Variants in FOXK1 observed in about 807,000 individuals in gnomAD.
The protein encoded by FOXK1 is forkhead box K1.
Under a neutral mutation model 51.9 loss-of-function variants are expected in FOXK1, and 19 were observed. The ratio of observed to expected loss-of-function variants is 0.37; its 90% CI spans 0.26 to 0.54. FOXK1 has a LOEUF of 0.54. FOXK1 is among the 20% of genes least tolerant of loss of function. The probability of loss-of-function intolerance (pLI) is 0.87; values close to 1 mark genes in which losing one functional copy is unlikely to be tolerated. For missense variants in FOXK1, 870 were observed against 1,032.7 expected (o/e 0.84, Z 2.16); for synonymous variants, 537 against 482.6 (o/e 1.11, Z -1.48).
At position 4,722,185 on chromosome 7, in the gene FOXK1, C is replaced by T. The variant is rs1440339857; in HGVS notation, c.561-18653C>T. Among the ~76,000 whole-genome samples the T allele has an allele frequency of 4.6e-5, 7 of 152,186 alleles. No individual in the cohort carries two copies. The highest frequency in any genetic ancestry group is 1.4e-4 in the African/African-American group (6 of 41,446). On this transcript the variant is annotated intron_variant, in intron 1 of 8. Coordinates refer to ENST00000328914, the MANE Select transcript of FOXK1 (RefSeq NM_001037165.2). This position sits in a 1 kb window ranked among gnomAD's most constrained non-coding sequence, Gnocchi z 5.1. ...GGCGGGGCAGGAGGTGTCTGTGTCTCAGCAGATGCTGGATTTCACGTCCAC... is the reference window on the plus strand; with the variant it reads ...GGCGGGGCAGGAGGTGTCTGTGTCTTAGCAGATGCTGGATTTCACGTCCAC...
At chr7:4,689,859 T>TC (rs1188790908) in intron 1 of FOXK1, among the ~76,000 whole-genome samples, 1 of 152,072 alleles carries the variant, frequency 6.6e-6, no homozygotes, top group African/African-American at 2.4e-5. Flanking sequence ...CCTCACCCAG[T>TC]CCCCTTAGGT....
intron 1 of FOXK1, among the ~76,000 whole-genome samples, chr7:4,720,750 A>AGTGCAATGGCGCGATCTCG (rs1192344080): frequency 6.8e-6 from 1 of 147,334 alleles, no homozygotes; most frequent in Admixed American, 6.8e-5. Flanking sequence ...CCCAGGGTGG[A>AGTGCAATGGCGCGATCTCG]GTGCAATGGC....
intron 1 of FOXK1, among the ~76,000 whole-genome samples, chr7:4,724,621 G>A (rs1780355661): frequency 6.6e-6 from 1 of 152,202 alleles, no homozygotes; most frequent in South Asian, 2.1e-4. Flanking sequence ...GCGCTGCGTG[G>A]CTCCACGGCC....
At chr7:4,750,920 T>C (rs1583209075) in intron 2 of FOXK1, among the ~76,000 whole-genome samples, 1 of 151,842 alleles carries the variant, frequency 6.6e-6, no homozygotes, top group Non-Finnish European at 1.5e-5. Context: ...GGCAGGCTGG[T>C]CTCGAACTCC....
In FOXK1 at chr7:4,753,926, C is replaced by T. The variant is rs1475208920; in HGVS notation, c.747-533C>T. On this transcript the variant is annotated intron_variant, in intron 2 of 8. Transcript: ENST00000328914. This position sits in a 1 kb window ranked among gnomAD's most constrained non-coding sequence, Gnocchi z 4.9. ...CAAAACTGCAGGGGTCATCTCTTCC[C>T]GAGGGCGGTGTCTCCAGGAGAGCCA... Among the ~76,000 whole-genome samples the T allele has an allele frequency of 1.3e-5, 2 of 152,180 alleles. No homozygotes were observed. Among genetic ancestry groups the T allele is most frequent in the Non-Finnish European group, 2.9e-5 (2 of 68,014 alleles).
chr7:4,756,673 G>C lies in FOXK1; in HGVS notation c.1051-321G>C, dbSNP rs966700893. Reference sequence around the variant, plus strand: ...CCAGCTAGTCAGGAGGCTGAGGCAGGAGAATCCCTTGAACCCGGGAGGCGG... The same window carrying C: ...CCAGCTAGTCAGGAGGCTGAGGCAGCAGAATCCCTTGAACCCGGGAGGCGG... On this transcript the variant is annotated intron_variant, in intron 4 of 8. Coordinates refer to ENST00000328914, the MANE Select transcript of FOXK1 (RefSeq NM_001037165.2). The surrounding 1 kb of genome is among the most constrained non-coding windows in gnomAD (Gnocchi z 4.1). Among the ~76,000 whole-genome samples, 8 of 151,854 alleles carry C rather than the reference G, an allele frequency of 5.3e-5. No individual in the cohort carries two copies.
In FOXK1 at chr7:4,748,387, A is replaced by G. The variant is rs951969109; in HGVS notation, c.747-6072A>G. Among the ~76,000 whole-genome samples the G allele has an allele frequency of 6.6e-6, 1 of 152,180 alleles. No individual in the cohort carries two copies. Among genetic ancestry groups the G allele is most frequent in the African/African-American group, 2.4e-5 (1 of 41,436 alleles). ...CATCATCATGTCTGGTTTACCTTGCATGAGCGTTTTCTGTATTAGAACTGT... is the reference window on the plus strand; with the variant it reads ...CATCATCATGTCTGGTTTACCTTGCGTGAGCGTTTTCTGTATTAGAACTGT... On this transcript the variant is annotated intron_variant, in intron 2 of 8. Coordinates refer to ENST00000328914, the MANE Select transcript of FOXK1 (RefSeq NM_001037165.2). This position sits in a 1 kb window ranked among gnomAD's most constrained non-coding sequence, Gnocchi z 4.9.
rs1436442152 is a variant in FOXK1 at position 4,754,336 on chromosome 7, A to G, written c.747-123A>G. ...TTGGCCGGGCAGTGTGGTGGCACTT[A>G]AAATTGGAAAGTGTGAGCTTCTTCC... On this transcript the variant is annotated intron_variant, in intron 2 of 8. Coordinates refer to ENST00000328914, the MANE Select transcript of FOXK1 (RefSeq NM_001037165.2). 3 of 1,147,342 alleles carry G rather than the reference A, an allele frequency of 2.6e-6. No homozygotes were observed. The African/African-American group carries it at 4.7e-5, about 18-fold the overall frequency. The allele number at this position is 1,147,342 out of a possible 1,614,324, so 71.1% of individuals were successfully genotyped here.
Position 4,754,443 on chromosome 7 carries a change from CCTT to C in FOXK1, c.747-13_747-11del, listed in dbSNP as rs747340710. Reference sequence around the variant, plus strand: ...CTTCAGAGCCATGAACTTACAGTGTCCTTCTCTCTCCTCAGTGTCCCCAACTCC... The same window carrying C: ...CTTCAGAGCCATGAACTTACAGTGTCCTCTCTCCTCAGTGTCCCCAACTCC... On this transcript the variant is annotated splice_polypyrimidine_tract_variant and intron_variant, in intron 2 of 8. Coordinates refer to ENST00000328914, the MANE Select transcript of FOXK1 (RefSeq NM_001037165.2). The C allele has an allele frequency of 1.9e-6, 3 of 1,611,298 alleles. No individual in the cohort carries two copies. The highest frequency in any genetic ancestry group is 2.2e-5 in the East Asian group (1 of 44,874).
chr7:4,761,419 A>C lies in FOXK1; in HGVS notation c.1921+131A>C. 1 of 934,980 alleles carries C rather than the reference A, an allele frequency of 1.1e-6. No homozygotes were observed. The highest frequency in any genetic ancestry group is 1.6e-6 in the Non-Finnish European group (1 of 621,594). 57.9% of individuals were successfully genotyped at this position (934,980 alleles called of 1,614,324 possible). The stretch of plus-strand genomic sequence containing the variant: ...GTTCAATTTATTGAGCACCTGCTAT[A>C]CTCCAGGCACTGGGGTAATGCAAAG... On this transcript the variant is annotated intron_variant, in intron 8 of 8. Transcript: ENST00000328914. This position sits in a 1 kb window ranked among gnomAD's most constrained non-coding sequence, Gnocchi z 6.2.
In FOXK1 at chr7:4,759,415, C is replaced by G. The variant is rs777664650; in HGVS notation, c.1516C>G (p.Gln506Glu). ...CATGCCCGCCTCCATCGTAACCTCA[C>G]AGCAGCCCGCGGGCCACGCCATCCA... Reference protein sequence around the residue: ...AYMPASIVTSQQPAGHAIHVV... With the variant: ...AYMPASIVTSEQPAGHAIHVV... Residue 506 changes from glutamine (Q) to glutamate (E), a missense_variant, in exon 7 of 9, where the codon CAG (glutamine) becomes GAG (glutamate). Physicochemically the swap from Gln to Glu is conservative, Grantham distance 29. This residue lies in a region of FOXK1 where 457 missense variants were observed against 510.8 expected (regional missense o/e 0.89). Transcript: ENST00000328914. 6.3e-7 allele frequency: 1 copy of G among 1,599,388 alleles called. No individual in the cohort carries two copies. The highest frequency in any genetic ancestry group is 1.7e-5 in the Admixed American group (1 of 59,398).
rs186608902 is a variant in FOXK1 at position 4,761,602 on chromosome 7, G to A, written c.1921+314G>A. 1.8e-4 allele frequency among the ~76,000 whole-genome samples: 27 copies of A among 152,224 alleles called. No individual in the cohort carries two copies. The highest frequency in any genetic ancestry group is 5.3e-4 in the African/African-American group (22 of 41,536). ...AACTTAGCCAGGTGTGGTGTTGCAC[G>A]CTCATGGTCCCAGCTGCTTGGGAGA... On this transcript the variant is annotated intron_variant, in intron 8 of 8. Transcript: ENST00000328914. The surrounding 1 kb of genome is among the most constrained non-coding windows in gnomAD (Gnocchi z 6.2).
chr7:4,709,211 C>T lies in FOXK1; in HGVS notation c.560+26343C>T, dbSNP rs1230404164. Among the ~76,000 whole-genome samples the T allele has an allele frequency of 6.6e-6, 1 of 152,174 alleles. No individual in the cohort carries two copies. The highest frequency in any genetic ancestry group is 6.5e-5 in the Admixed American group (1 of 15,284). On this transcript the variant is annotated intron_variant, in intron 1 of 8. Coordinates refer to ENST00000328914, the MANE Select transcript of FOXK1 (RefSeq NM_001037165.2). The surrounding 1 kb of genome is among the most constrained non-coding windows in gnomAD (Gnocchi z 5.6). ...GGCCCCAGGATACCCCCGTGCCTTA[C>T]CCACGCTATTTGCTGCCTGGCATCC...
rs1352458436 is a variant in FOXK1, at chr7:4,764,000, ACCAGCAAAG to A, written c.*1538_*1546del. 1 of 152,270 alleles carries A rather than the reference ACCAGCAAAG, an allele frequency of 6.6e-6. No homozygotes were observed. Among genetic ancestry groups the A allele is most frequent in the Non-Finnish European group, 1.5e-5 (1 of 68,096 alleles). The allele number at this position is 152,270 out of a possible 1,614,324, so 9.4% of individuals were successfully genotyped here. ...CCCGTCCTCCGCATCACAGCCTCTC[ACCAGCAAAG>A]CAGCCTCTGCCCAGGCCCTGGCGGG... is the stretch of plus-strand genomic sequence containing the variant. On this transcript the variant is annotated 3_prime_UTR_variant, in exon 9 of 9. Transcript: ENST00000328914.
At chr7:4,738,248 C>T (rs537584665) in intron 1 of FOXK1, among the ~76,000 whole-genome samples, 170 of 151,408 alleles carry the variant, frequency 1.1e-3, no homozygotes, top group African/African-American at 3.9e-3. Context: ...ACCAGCCTGG[C>T]CAACATGGTG....
chr7:4,754,305 G>C (rs538044814), intron 2 of FOXK1, among the ~76,000 whole-genome samples, 154 bp from the exon 3 acceptor site: 1 of 152,336 alleles, frequency 6.6e-6, no homozygotes, highest in Non-Finnish European at 1.5e-5. Context: ...CCGCCGCTGC[G>C]TGACCTTGGC....
rs536617550 is a variant in FOXK1, at chr7:4,722,215, G to A, written c.561-18623G>A. ...GATGCTGGATTTCACGTCCACGGCC[G>A]CCTGGAAATAAATGCCAGCACCGTG... On this transcript the variant is annotated intron_variant, in intron 1 of 8. Transcript: ENST00000328914. The surrounding 1 kb of genome is among the most constrained non-coding windows in gnomAD (Gnocchi z 5.1). 3.1e-4 allele frequency among the ~76,000 whole-genome samples: 47 copies of A among 152,330 alleles called. No homozygotes were observed. Among genetic ancestry groups the A allele is most frequent in the South Asian group, 1.0e-3 (5 of 4,832 alleles).
chr7:4,717,621 G>A (rs565487167), intron 1 of FOXK1, among the ~76,000 whole-genome samples: 6 of 152,104 alleles, frequency 3.9e-5, no homozygotes, highest in African/African-American at 7.2e-5. Context: ...AGCGCATGAC[G>A]GGAGGTACTC....
chr7:4,760,939 A>G (rs1562392454), intron 7 of FOXK1, 125 bp from the exon 8 acceptor site: 1 of 828,052 alleles, frequency 1.2e-6, no homozygotes, highest in Non-Finnish European at 2.0e-6. Context: ...ATTTTCCTCT[A>G]GCAAACCTAT....
Sources: allele counts gnomAD v4.1 joint callset (sites outside exome capture counted in the v4.1 genomes callset), GRCh38; gene constraint gnomAD v4.1.1; regional missense constraint gnomAD v4.1.1; non-coding constraint Gnocchi (gnomAD v3.1); transcripts MANE v1.5; gene names NCBI Gene and HGNC (gene_info 2026-07-23, HGNC 2026-07-21).